The following FDX1 variants were observed in gnomAD, a reference collection of about 807,000 sequenced individuals.
FDX1 encodes adrenodoxin, mitochondrial.
In FDX1, 9 loss-of-function variants were observed where a neutral mutation model predicts 14.9. The observed-to-expected ratio is 0.60, with a 90% CI of 0.36 to 1.05. The LOEUF (loss-of-function observed/expected upper bound fraction) is 1.05, where lower values mean the gene tolerates loss of function less well. Ranked by LOEUF, FDX1 falls within the 50% of genes least tolerant of loss-of-function variation. The pLI is 0.01. For synonymous variants in FDX1, 92 were observed against 99.4 expected, an observed-to-expected ratio of 0.93 and a Z score of 0.44; for missense variants, 204 against 237.2, an observed-to-expected ratio of 0.86 and a Z score of 0.92.
rs1393012067 is a variant in FDX1 at position 110,463,331 on chromosome 11, G to T, written c.*863G>T. ...CTGACACGTTGCACAGCCCCAGGTGGCGCCATTCTCTCACGCAAGGATGGG... is the reference window on the plus strand; with the variant it reads ...CTGACACGTTGCACAGCCCCAGGTGTCGCCATTCTCTCACGCAAGGATGGG... On this transcript the variant is annotated 3_prime_UTR_variant, in exon 4 of 4. Transcript: ENST00000260270. The T allele has an allele frequency of 1.3e-5, 2 of 152,254 alleles. No homozygotes were observed. The highest frequency in any genetic ancestry group is 4.8e-5 in the African/African-American group (2 of 41,464). 9.4% of individuals were successfully genotyped at this position (152,254 alleles called of 1,614,324 possible).
At chr11:110,444,688 GTATATATATATATATACGTATA>G (rs1946432113) in intron 2 of FDX1, among the ~76,000 whole-genome samples, 5 of 24,880 alleles carry the variant, frequency 2.0e-4, no homozygotes, top group African/African-American at 7.6e-4. Flanking sequence ...ATATATACAC[GTATATATATATATATACGTATA>G]TATATATATA....
intron 2 of FDX1, among the ~76,000 whole-genome samples, chr11:110,441,966 A>G (rs1302654522): frequency 6.6e-6 from 1 of 152,168 alleles, no homozygotes; most frequent in African/African-American, 2.4e-5. Context: ...TCTGTGTCCC[A>G]GCTGTCCCAG....
intron 2 of FDX1, among the ~76,000 whole-genome samples, chr11:110,444,232 A>G (rs1169133260): frequency 6.6e-6 from 1 of 152,052 alleles, no homozygotes; most frequent in Non-Finnish European, 1.5e-5. Context: ...ATTTTTGTGT[A>G]TGGTGAAAGG....
intron 2 of FDX1, among the ~76,000 whole-genome samples, chr11:110,437,464 T>G (rs1451820709): frequency 6.6e-6 from 1 of 152,212 alleles, no homozygotes; most frequent in East Asian, 1.9e-4. Flanking sequence ...TCCCTGGTTA[T>G]ACATGCAGCA....
At chr11:110,444,673 TATATATATATACAC>T (rs1565381812) in intron 2 of FDX1, among the ~76,000 whole-genome samples, 40 of 75,638 alleles carry the variant, frequency 5.3e-4, no homozygotes, top group African/African-American at 2.5e-3. Context: ...TACGTATATA[TATATATATATACAC>T]GTATATATAT....
intron 3 of FDX1, among the ~76,000 whole-genome samples, chr11:110,457,274 A>T (rs1351712759): frequency 1.3e-5 from 2 of 152,178 alleles, no homozygotes; most frequent in African/African-American, 4.8e-5. Flanking sequence ...TTGGAAGTAT[A>T]AGTTCTAGAT....
chr11:110,438,584 G>A (rs73564157), intron 2 of FDX1, among the ~76,000 whole-genome samples: 25,438 of 151,852 alleles, frequency 0.17, 2,222 homozygotes, highest in East Asian at 0.25. Flanking sequence ...TGCCACCACG[G>A]CTAGCAAATT....
rs183348232 is a variant in FDX1 at position 110,442,340 on chromosome 11, C to G, written c.310+6382C>G. On this transcript the variant is annotated intron_variant, in intron 2 of 3. Transcript: ENST00000260270. Reference sequence around the variant, plus strand: ...TCCACTGACAGCTTGCATGATATGCCTGGAAAAGCCACAGACACTCAATGC... The same window carrying G: ...TCCACTGACAGCTTGCATGATATGCGTGGAAAAGCCACAGACACTCAATGC... Among the ~76,000 whole-genome samples, 391 of 152,310 alleles carry G rather than the reference C, an allele frequency of 2.6e-3. 3 individuals carry two copies. The highest frequency in any genetic ancestry group is 8.1e-3 in the African/African-American group (338 of 41,564).
At chr11:110,434,725 GT>G (rs56907322) in intron 1 of FDX1, among the ~76,000 whole-genome samples, 36,195 of 106,274 alleles carry the variant, frequency 0.34, 4,767 homozygotes, top group Admixed American at 0.45. Flanking sequence ...GACTTTTTTT[GT>G]TTTTTTTTTT....
intron 1 of FDX1, among the ~76,000 whole-genome samples, chr11:110,433,236 C>T (rs377259829): frequency 5.3e-5 from 8 of 152,222 alleles, no homozygotes; most frequent in African/African-American, 1.9e-4. Context: ...GATGTCAAAT[C>T]TCTAGACTTC....
At chr11:110,444,310 A>G (rs1439163691) in intron 2 of FDX1, among the ~76,000 whole-genome samples, 2 of 151,990 alleles carry the variant, frequency 1.3e-5, no homozygotes, top group East Asian at 3.9e-4. Context: ...TTGAATACGG[A>G]GTCTCTTAAA....
chr11:110,457,289 A>G (rs1392265712), intron 3 of FDX1, among the ~76,000 whole-genome samples: 1 of 152,198 alleles, frequency 6.6e-6, no homozygotes, highest in Non-Finnish European at 1.5e-5. Flanking sequence ...CTAGATCCTA[A>G]CACCTCTTCT....
chr11:110,451,736 T>C (rs1946487880), intron 2 of FDX1, among the ~76,000 whole-genome samples: 2 of 152,212 alleles, frequency 1.3e-5, no homozygotes, highest in Non-Finnish European at 2.9e-5. Flanking sequence ...ATATACACCA[T>C]GGAATACTGT....
At chr11:110,444,717 TATATAC>T (rs1484415666) in intron 2 of FDX1, among the ~76,000 whole-genome samples, 5 of 66,650 alleles carry the variant, frequency 7.5e-5, no homozygotes, top group African/African-American at 2.9e-4. Flanking sequence ...TATATATATA[TATATAC>T]GTATATATAT....
chr11:110,452,033 AAAGGT>A (rs1406309689), intron 2 of FDX1, among the ~76,000 whole-genome samples: 1 of 152,200 alleles, frequency 6.6e-6, no homozygotes, highest in East Asian at 1.9e-4. Flanking sequence ...GTGGGAAAAA[AAAGGT>A]GCATCAACCT....
chr11:110,459,196 G>A (rs1050007854), intron 3 of FDX1, among the ~76,000 whole-genome samples: 2 of 152,172 alleles, frequency 1.3e-5, no homozygotes. Context: ...TCTACACAGA[G>A]GCCTCAGATT....
rs187925713 is a variant in FDX1, at chr11:110,456,333, C to T, written c.311-585C>T. On this transcript the variant is annotated intron_variant, in intron 2 of 3. Coordinates refer to ENST00000260270, the MANE Select transcript of FDX1 (RefSeq NM_004109.5). Reference sequence around the variant, plus strand: ...CTCAGCTTATTAACTTGTAAGCTCTCTATTAGGACTATATTTTCATAGGTA... The same window carrying T: ...CTCAGCTTATTAACTTGTAAGCTCTTTATTAGGACTATATTTTCATAGGTA... 8.5e-5 allele frequency among the ~76,000 whole-genome samples: 13 copies of T among 152,178 alleles called. No homozygotes were observed. The East Asian group carries it at 2.5e-3, about 29-fold the overall frequency.
intron 2 of FDX1, among the ~76,000 whole-genome samples, chr11:110,450,493 C>T (rs1462341368): frequency 1.3e-5 from 2 of 152,212 alleles, no homozygotes; most frequent in Non-Finnish European, 2.9e-5. Flanking sequence ...AAGCTTCCCT[C>T]ACTTGCCCTC....
At chr11:110,461,426 G>A (rs963740034) in intron 3 of FDX1, among the ~76,000 whole-genome samples, 1 of 150,952 alleles carries the variant, frequency 6.6e-6, no homozygotes, top group African/African-American at 2.4e-5. Flanking sequence ...GGCCTGGGAG[G>A]TGGAGGTTAA....
Sources: allele counts gnomAD v4.1 joint callset (sites outside exome capture counted in the v4.1 genomes callset), GRCh38; gene constraint gnomAD v4.1.1; transcripts MANE v1.5; gene names NCBI Gene and HGNC (gene_info 2026-07-23, HGNC 2026-07-21).